SORBS2: variants seen among roughly 807,000 people sequenced by gnomAD.
SORBS2 encodes the protein sorbin and SH3 domain containing 2.
Under a neutral mutation model 97.7 loss-of-function variants are expected in SORBS2, and 46 were observed. The observed-to-expected ratio is 0.47, with a 90% CI of 0.37 to 0.60. SORBS2 has a LOEUF of 0.60. SORBS2 is among the 20% of genes least tolerant of loss of function. SORBS2 has a pLI of 0.00. For missense variants in SORBS2, 1,316 were observed against 1,282.3 expected (o/e 1.03, Z -0.40); for synonymous variants, 476 against 473.4 (o/e 1.01, Z -0.07).
In SORBS2 at chr4:185,606,745, G is replaced by A. The variant is rs2096431367; in HGVS notation, c.2796+5035C>T. On this transcript the variant is annotated intron_variant, in intron 12 of 14. Coordinates refer to ENST00000418609, the Ensembl canonical transcript of SORBS2. The surrounding 1 kb of genome is among the most constrained non-coding windows in gnomAD (Gnocchi z 4.3). ...TGACCCATCGTGGCCACACCACCAG[G>A]CGTCTCCTTCCTGAGGTTCTGGCGG... 1.0e-6 allele frequency: 1 copy of A among 985,258 alleles called. No homozygotes were observed. Among genetic ancestry groups the A allele is most frequent in the Non-Finnish European group, 1.2e-6 (1 of 829,896 alleles). 61.0% of individuals were successfully genotyped at this position (985,258 alleles called of 1,614,324 possible). A position where few individuals can be genotyped will look rare whatever the true frequency, so the allele number is the denominator to read the frequency against.
intron 1 of SORBS2, among the ~76,000 whole-genome samples, chr4:185,808,445 G>T (rs533614205): frequency 1.9e-3 from 289 of 152,128 alleles, no homozygotes; most frequent in African/African-American, 6.7e-3. Context: ...TCTTATTTTT[G>T]ATTGTGGCAG....
intron 1 of SORBS2, among the ~76,000 whole-genome samples, chr4:185,930,429 G>A (rs1163430712): frequency 6.6e-6 from 1 of 151,796 alleles, no homozygotes; most frequent in Non-Finnish European, 1.5e-5. Context: ...CGAGTAGCTG[G>A]GACTACAGGC....
chr4:185,753,696 G>A (rs2098814157), intron 2 of SORBS2, among the ~76,000 whole-genome samples: 1 of 152,182 alleles, frequency 6.6e-6, no homozygotes, highest in Non-Finnish European at 1.5e-5. Context: ...AGACATACAT[G>A]TAATTTAAAT....
chr4:185,736,684 A>G (rs909024013), intron 2 of SORBS2, among the ~76,000 whole-genome samples: 1 of 152,182 alleles, frequency 6.6e-6, no homozygotes, highest in African/African-American at 2.4e-5. Flanking sequence ...TGCTTGGCTC[A>G]GGGCCACTGG....
At chr4:185,605,644 G>A (rs969684546) in intron 12 of SORBS2, among the ~76,000 whole-genome samples, 5 of 151,348 alleles carry the variant, frequency 3.3e-5, no homozygotes, top group African/African-American at 4.9e-5. Flanking sequence ...GAGTGCACTG[G>A]CACGATCTCA....
chr4:185,920,949 T>C (rs775809894), intron 1 of SORBS2, among the ~76,000 whole-genome samples: 1 of 152,162 alleles, frequency 6.6e-6, no homozygotes, highest in Non-Finnish European at 1.5e-5. Context: ...TGTCCCATCA[T>C]GAGGGTTTGA....
At chr4:185,760,789 A>G (rs1349701767) in intron 2 of SORBS2, among the ~76,000 whole-genome samples, 1 of 152,236 alleles carries the variant, frequency 6.6e-6, no homozygotes, top group Non-Finnish European at 1.5e-5. Context: ...CATTAGTTGC[A>G]TGAGGATATA....
At position 185,794,391 on chromosome 4, in the gene SORBS2, G is replaced by A. The variant is rs558285910; in HGVS notation, c.-337-19025C>T. ...CTATGTTCATAAATAATGTACTACA[G>A]GGACAGTTTGAAAGTGATCATTAAA... On this transcript the variant is annotated intron_variant, in intron 1 of 20. Coordinates refer to the SORBS2 transcript ENST00000284776. 2.6e-5 allele frequency among the ~76,000 whole-genome samples: 4 copies of A among 152,282 alleles called. No individual in the cohort carries two copies. In the South Asian group the frequency reaches 6.2e-4, roughly 24 times the overall value.
At chr4:185,691,415 G>A (rs962508665) in intron 2 of SORBS2, among the ~76,000 whole-genome samples, 1 of 152,092 alleles carries the variant, frequency 6.6e-6, no homozygotes, top group African/African-American at 2.4e-5. Context: ...TTATACAAAT[G>A]GTTTTTGTTC....
At chr4:185,775,104 G>A (rs764627575) in intron 2 of SORBS2, 123 bp downstream of exon 2, 3 of 152,332 alleles carry the variant, frequency 2.0e-5, no homozygotes, top group South Asian at 2.1e-4. Context: ...CTGGAACACC[G>A]TGTTTACCTG....
rs929029653 is a variant in SORBS2, at chr4:185,620,556, C to A, written c.2216-405G>T. Among the ~76,000 whole-genome samples, 33 of 152,002 alleles carry A rather than the reference C, an allele frequency of 2.2e-4. 1 individual carries two copies. The highest frequency in any genetic ancestry group is 6.3e-4 in the African/African-American group (26 of 41,452). ...CAGAGGATGGAGAATTTGAAAATAG[C>A]AACAATTTGTAGAAAAAGAAACATT... is the stretch of plus-strand genomic sequence containing the variant. On this transcript the variant is annotated intron_variant, in intron 7 of 14. Transcript: ENST00000418609.
At chr4:185,862,108 A>G (rs371889523) in intron 1 of SORBS2, among the ~76,000 whole-genome samples, 4 of 152,208 alleles carry the variant, frequency 2.6e-5, no homozygotes, top group Non-Finnish European at 5.9e-5. Flanking sequence ...AACACTATAC[A>G]AATTGAATAA....
At chr4:185,845,017 CTTT>C (rs57089831) in intron 1 of SORBS2, among the ~76,000 whole-genome samples, 2 of 140,312 alleles carry the variant, frequency 1.4e-5, no homozygotes, top group Non-Finnish European at 1.6e-5. Flanking sequence ...GATGAAAATG[CTTT>C]TTTTTTTTTT....
intron 1 of SORBS2, among the ~76,000 whole-genome samples, chr4:185,927,110 G>C (rs920462827): frequency 2.7e-5 from 4 of 148,886 alleles, no homozygotes; most frequent in African/African-American, 9.8e-5. Flanking sequence ...ATATATATGT[G>C]AATATTATAT....
At chr4:185,699,225 T>C (rs1214025721) in intron 2 of SORBS2, among the ~76,000 whole-genome samples, 1 of 151,970 alleles carries the variant, frequency 6.6e-6, no homozygotes, top group Non-Finnish European at 1.5e-5. Flanking sequence ...AATTTGATCT[T>C]ATAGTCTTAA....
chr4:185,881,031 G>C (rs1375141481), intron 1 of SORBS2, among the ~76,000 whole-genome samples: 4 of 152,002 alleles, frequency 2.6e-5, no homozygotes, highest in Non-Finnish European at 5.9e-5. Context: ...GGAAGGGAAA[G>C]GAAGAAAAGA....
At chr4:185,891,262 A>G (rs2099242364) in intron 1 of SORBS2, among the ~76,000 whole-genome samples, 1 of 152,260 alleles carries the variant, frequency 6.6e-6, no homozygotes, top group Non-Finnish European at 1.5e-5. Flanking sequence ...AAATAGTAAC[A>G]GTGAGAAAAT....
chr4:185,732,716 G>T (rs952033784), intron 2 of SORBS2, among the ~76,000 whole-genome samples: 3 of 152,194 alleles, frequency 2.0e-5, no homozygotes, highest in Admixed American at 2.0e-4. Context: ...AGTAGCTATT[G>T]CGGGCAAGTG....
chr4:185,811,185 C>T (rs1313192599), intron 1 of SORBS2: 1 of 152,174 alleles, frequency 6.6e-6, no homozygotes, highest in Non-Finnish European at 1.5e-5. Context: ...TTATGACCCA[C>T]ATAGAGAACA....
Sources: allele counts gnomAD v4.1 joint callset (sites outside exome capture counted in the v4.1 genomes callset), GRCh38; gene constraint gnomAD v4.1.1; non-coding constraint Gnocchi (gnomAD v3.1); transcripts MANE v1.5; gene names NCBI Gene and HGNC (gene_info 2026-07-23, HGNC 2026-07-21).